MAP3K5: variants seen among roughly 807,000 people sequenced by gnomAD.
MAP3K5 encodes the protein ASK-1.
In MAP3K5, 56 loss-of-function variants were observed where a neutral mutation model predicts 158.7. That is an observed-to-expected ratio of 0.35 (90% CI 0.28 to 0.44). MAP3K5 has a LOEUF of 0.44. Ranked by LOEUF, MAP3K5 falls within the 20% of genes least tolerant of loss-of-function variation. The pLI, the probability that MAP3K5 is intolerant of heterozygous loss-of-function variation, is 1.00. For synonymous variants in MAP3K5, 579 were observed against 601.7 expected (o/e 0.96, Z 0.55); for missense variants, 1,294 against 1,674.8 (o/e 0.77, Z 3.97).
At chr6:136,749,057 G>A (rs903756203) in intron 1 of MAP3K5, among the ~76,000 whole-genome samples, 2 of 152,198 alleles carry the variant, frequency 1.3e-5, no homozygotes, top group Non-Finnish European at 2.9e-5. Flanking sequence ...TATTAGGACT[G>A]GCCGGGCACA....
intron 1 of MAP3K5, among the ~76,000 whole-genome samples, chr6:136,729,862 G>T (rs1464993254): frequency 6.6e-6 from 1 of 152,244 alleles, no homozygotes; most frequent in African/African-American, 2.4e-5. Context: ...AACTCAACAG[G>T]ATTCAGGGAC....
intron 23 of MAP3K5, among the ~76,000 whole-genome samples, chr6:136,590,095 T>C (rs1197542293): frequency 1.3e-5 from 2 of 152,178 alleles, no homozygotes; most frequent in African/African-American, 4.8e-5. Context: ...CAAGATGTCA[T>C]AAAGCCAGTT....
At chr6:136,654,025 A>G (rs1328287630) in intron 10 of MAP3K5, among the ~76,000 whole-genome samples, 1 of 152,254 alleles carries the variant, frequency 6.6e-6, no homozygotes, top group African/African-American at 2.4e-5. Flanking sequence ...CAAAGTTTCA[A>G]GAAGGAAATG....
chr6:136,601,050 A>G lies in MAP3K5; in HGVS notation c.2858-8T>C. On this transcript the variant is annotated splice_polypyrimidine_tract_variant and splice_region_variant and intron_variant, in intron 20 of 29. Transcript: ENST00000359015. ...TTGATCCAGCTGAAAGAGCTGTGGAAAGAAAAGCAAACAGCCATGAATAAG... is the reference window on the plus strand; with the variant it reads ...TTGATCCAGCTGAAAGAGCTGTGGAGAGAAAAGCAAACAGCCATGAATAAG... The G allele has an allele frequency of 6.2e-7, 1 of 1,613,820 alleles. No individual in the cohort carries two copies. The highest frequency in any genetic ancestry group is 1.3e-5 in the African/African-American group (1 of 75,018).
chr6:136,571,298 A>G (rs924470985), intron 25 of MAP3K5, among the ~76,000 whole-genome samples: 1 of 152,156 alleles, frequency 6.6e-6, no homozygotes, highest in Non-Finnish European at 1.5e-5. Context: ...TGGTCACGGG[A>G]CAAGAACCCA....
Position 136,651,067 on chromosome 6 carries a change from T to C in MAP3K5, c.1705A>G (p.Ile569Val), listed in dbSNP as rs1448732509. 6.2e-7 allele frequency: 1 copy of C among 1,607,038 alleles called. No homozygotes were observed. Among genetic ancestry groups the C allele is most frequent in the African/African-American group, 1.3e-5 (1 of 74,826 alleles). Residue 569 changes from isoleucine (I) to valine (V), a missense_variant, in exon 11 of 30, where the codon ATC becomes GTC. This residue lies in a region of MAP3K5 where 690 missense variants were observed against 870.5 expected (regional missense o/e 0.79). Coordinates refer to ENST00000359015, the MANE Select transcript of MAP3K5 (RefSeq NM_005923.4). The stretch of plus-strand genomic sequence containing the variant: ...ATAGACAAATAAGAAGGTTGATAGA[T>C]TTTGGTTGGTTCTAATATTAATACC... ...FPVLILEPTK[I>V]YQPSYLSINN...
In MAP3K5 at chr6:136,592,421, T is replaced by G. The variant is rs1346767278; in HGVS notation, c.3056+16A>C. On this transcript the variant is annotated intron_variant, in intron 22 of 29. Transcript: ENST00000359015. The stretch of plus-strand genomic sequence containing the variant: ...AACAACACACTTCTCTCACCCCAAG[T>G]AAGTCAGGTCTTTACCCCAAAAAGA... 6.2e-7 allele frequency: 1 copy of G among 1,612,654 alleles called. No homozygotes were observed. The highest frequency in any genetic ancestry group is 8.5e-7 in the Non-Finnish European group (1 of 1,179,244).
At chr6:136,642,241 G>A (rs1388390861) in intron 12 of MAP3K5, among the ~76,000 whole-genome samples, 1 of 151,968 alleles carries the variant, frequency 6.6e-6, no homozygotes, top group Non-Finnish European at 1.5e-5. Flanking sequence ...ATGGCTGAGT[G>A]TAATCTACAT....
At chr6:136,768,370 A>G (rs1784045559) in intron 1 of MAP3K5, among the ~76,000 whole-genome samples, 1 of 152,238 alleles carries the variant, frequency 6.6e-6, no homozygotes, top group African/African-American at 2.4e-5. Context: ...AAAATGACCA[A>G]TTTAAAAATA....
chr6:136,564,742 C>G (rs552945457), intron 26 of MAP3K5, among the ~76,000 whole-genome samples: 1 of 152,282 alleles, frequency 6.6e-6, no homozygotes, highest in East Asian at 1.9e-4. Context: ...TCCGTACTTG[C>G]ATATTTGAGT....
At chr6:136,720,345 T>A in intron 2 of MAP3K5, 105 bp downstream of exon 2, 1 of 1,115,188 alleles carries the variant, frequency 9.0e-7, no homozygotes. Context: ...ACCAAACATA[T>A]AAAAGTCTTT....
intron 7 of MAP3K5, among the ~76,000 whole-genome samples, chr6:136,686,847 C>A (rs1482729208): frequency 6.6e-6 from 1 of 152,136 alleles, no homozygotes; most frequent in African/African-American, 2.4e-5. Context: ...GGCCATACTG[C>A]CCAAAGTAAT....
At position 136,628,666 on chromosome 6, in the gene MAP3K5, A is replaced by C. The variant is rs139507363; in HGVS notation, c.2017-5685T>G. ...GATTACGTATTAGATACAGATTTAA[A>C]AGATTATGTATTAGATATAGAAGAT... On this transcript the variant is annotated intron_variant, in intron 14 of 29. Coordinates refer to ENST00000359015, the MANE Select transcript of MAP3K5 (RefSeq NM_005923.4). 6.5e-3 allele frequency among the ~76,000 whole-genome samples: 992 copies of C among 152,360 alleles called. 7 individuals are homozygous for C. Among genetic ancestry groups the C allele is most frequent in the African/African-American group, 0.023 (960 of 41,578 alleles).
At chr6:136,651,236 T>C (rs1778507582) in intron 10 of MAP3K5, 145 bp from the exon 11 acceptor site, 2 of 529,696 alleles carry the variant, frequency 3.8e-6, no homozygotes, top group South Asian at 5.1e-5. Context: ...CAACTTCTGA[T>C]TGCTGTTATT....
At chr6:136,766,630 T>A (rs75757580) in intron 1 of MAP3K5, among the ~76,000 whole-genome samples, 1 of 152,200 alleles carries the variant, frequency 6.6e-6, no homozygotes, top group African/African-American at 2.4e-5. Flanking sequence ...GCAAAGAGCA[T>A]GTCAGTGTGA....
At chr6:136,678,104 G>A (rs940874763) in intron 7 of MAP3K5, among the ~76,000 whole-genome samples, 1 of 151,964 alleles carries the variant, frequency 6.6e-6, no homozygotes, top group Admixed American at 6.6e-5. Context: ...CTACCCTTTG[G>A]TTTGTACTAA....
chr6:136,715,321 A>G (rs1303798439), intron 2 of MAP3K5, among the ~76,000 whole-genome samples: 1 of 152,252 alleles, frequency 6.6e-6, no homozygotes, highest in Non-Finnish European at 1.5e-5. Flanking sequence ...CCTGGTGGAT[A>G]CAAAAAATAA....
rs550218216 is a variant in MAP3K5 at position 136,656,173 on chromosome 6, A to C, written c.1680+134T>G. On this transcript the variant is annotated intron_variant, in intron 10 of 29. Coordinates refer to ENST00000359015, the MANE Select transcript of MAP3K5 (RefSeq NM_005923.4). ...AGTAAGCTAAAGCAAACCAATGTGCAGGAAATAAAGATATTAACCAGATGA... is the reference window on the plus strand; with the variant it reads ...AGTAAGCTAAAGCAAACCAATGTGCCGGAAATAAAGATATTAACCAGATGA... 3.1e-5 allele frequency: 21 copies of C among 677,434 alleles called. 1 individual carries two copies. The Admixed American group carries it at 3.4e-4, about 11-fold the overall frequency. 42.0% of individuals were successfully genotyped at this position (677,434 alleles called of 1,614,324 possible).
chr6:136,775,729 G>T (rs1201755888), intron 1 of MAP3K5, among the ~76,000 whole-genome samples: 2 of 152,126 alleles, frequency 1.3e-5, no homozygotes, highest in Admixed American at 6.5e-5. Context: ...AAATAGTTGT[G>T]GCCTGGGAAA....
Sources: gnomAD v4.1 joint callset for allele counts (sites outside exome capture counted in the v4.1 genomes callset) on GRCh38, gnomAD v4.1.1 for gene constraint, gnomAD v4.1.1 regional missense constraint, MANE v1.5 for transcripts, NCBI Gene and HGNC (gene_info 2026-07-23, HGNC 2026-07-21) for gene names.